The following EYA1 variants were observed in gnomAD, a reference collection of about 807,000 sequenced individuals.
EYA1 encodes protein phosphatase EYA1.
A neutral mutation model predicts 82.0 loss-of-function variants in EYA1; 16 were observed. The observed-to-expected ratio is 0.20, with a 90% confidence interval of 0.13 to 0.30. The LOEUF is 0.30. Among genes scored for constraint, EYA1 ranks in the 10% least tolerant of loss-of-function variants. EYA1 has a pLI of 1.00. For synonymous variants in EYA1, 261 were observed against 264.4 expected (o/e 0.99, Z 0.12); for missense variants, 633 against 730.7 (o/e 0.87, Z 1.54).
intron 2 of EYA1, chr8:71,403,580 G>T (rs1255062639): frequency 6.6e-6 from 1 of 152,026 alleles, no homozygotes; most frequent in Non-Finnish European, 1.5e-5. Context: ...GCACCATTTT[G>T]GTTACTGCAA....
chr8:71,502,742 C>T (rs921253056), intron 2 of EYA1, among the ~76,000 whole-genome samples: 3 of 152,310 alleles, frequency 2.0e-5, no homozygotes, highest in East Asian at 1.9e-4. Flanking sequence ...CTCAAACAGG[C>T]ACCCAGTAAC....
chr8:71,282,929 C>T (rs577691593), intron 9 of EYA1, among the ~76,000 whole-genome samples: 2 of 144,748 alleles, frequency 1.4e-5, no homozygotes, highest in African/African-American at 5.0e-5. Flanking sequence ...ATCTCTTCAA[C>T]ACCACCTTGT....
At chr8:71,474,555 G>T (rs1054383288) in intron 2 of EYA1, among the ~76,000 whole-genome samples, 4 of 152,038 alleles carry the variant, frequency 2.6e-5, no homozygotes, top group Admixed American at 2.0e-4. Flanking sequence ...CCTACAAATT[G>T]CTTTTAATTC....
At chr8:71,268,034 G>C (rs987050115) in intron 11 of EYA1, among the ~76,000 whole-genome samples, 1 of 152,180 alleles carries the variant, frequency 6.6e-6, no homozygotes, top group African/African-American at 2.4e-5. Flanking sequence ...TATGAAGCCA[G>C]GCATTTCTAG....
intron 9 of EYA1, among the ~76,000 whole-genome samples, chr8:71,287,423 G>A (rs1157698416): frequency 6.6e-6 from 1 of 152,160 alleles, no homozygotes; most frequent in Non-Finnish European, 1.5e-5. Context: ...ATTATTCCCT[G>A]TTCACGCAGG....
At chr8:71,369,931 G>A (rs1034430343) in intron 2 of EYA1, among the ~76,000 whole-genome samples, 1 of 151,610 alleles carries the variant, frequency 6.6e-6, no homozygotes, top group African/African-American at 2.4e-5. Flanking sequence ...TAATTTATGG[G>A]ACAAAATTGA....
chr8:71,365,046 A>G (rs1827675593), upstream of EYA1, among the ~76,000 whole-genome samples: 1 of 148,678 alleles, frequency 6.7e-6, no homozygotes, highest in African/African-American at 2.5e-5. Flanking sequence ...ACATATTACA[A>G]ATGTCATGTA....
chr8:71,395,620 C>T (rs1323541296), intron 2 of EYA1, among the ~76,000 whole-genome samples: 1 of 151,670 alleles, frequency 6.6e-6, no homozygotes, highest in African/African-American at 2.4e-5. Context: ...GTTGAATCAG[C>T]CTTGCATCCC....
intron 2 of EYA1, among the ~76,000 whole-genome samples, chr8:71,491,796 G>C (rs367813011): frequency 2.0e-5 from 3 of 152,134 alleles, no homozygotes; most frequent in African/African-American, 7.2e-5. Context: ...TCAGTTATGC[G>C]GTGGTTACTA....
chr8:71,356,342 A>C, intron 2 of EYA1, 120 bp downstream of exon 2: 2 of 821,586 alleles, frequency 2.4e-6, no homozygotes, highest in Non-Finnish European at 3.9e-6. Flanking sequence ...CAAACTGTTA[A>C]GTAATTTCCA....
At chr8:71,357,269 G>T (rs1259860387) in intron 1 of EYA1, among the ~76,000 whole-genome samples, 3 of 152,200 alleles carry the variant, frequency 2.0e-5, no homozygotes, top group Non-Finnish European at 4.4e-5. Context: ...GGAAGAAAAT[G>T]GAAAGTTTAA....
At chr8:71,542,460 C>A (rs1815214325) in intron 1 of EYA1, among the ~76,000 whole-genome samples, 1 of 152,182 alleles carries the variant, frequency 6.6e-6, no homozygotes, top group African/African-American at 2.4e-5. Flanking sequence ...ATCCAGTCTA[C>A]CACTGATGGG....
intron 2 of EYA1, among the ~76,000 whole-genome samples, chr8:71,416,896 G>C (rs1394979288): frequency 1.3e-5 from 2 of 152,194 alleles, no homozygotes; most frequent in Non-Finnish European, 2.9e-5. Flanking sequence ...GTTTCTGGGT[G>C]TGTCAGTGAG....
intron 2 of EYA1, among the ~76,000 whole-genome samples, chr8:71,478,473 C>T (rs1442153337): frequency 6.6e-6 from 1 of 152,126 alleles, no homozygotes; most frequent in African/African-American, 2.4e-5. Context: ...TTAACAGTCA[C>T]TTTAAGAAAT....
intron 9 of EYA1, among the ~76,000 whole-genome samples, chr8:71,281,377 A>G (rs1416712584): frequency 6.6e-6 from 1 of 152,208 alleles, no homozygotes; most frequent in African/African-American, 2.4e-5. Context: ...GATTTGTGGT[A>G]TCGTCATTTA....
intron 7 of EYA1, among the ~76,000 whole-genome samples, chr8:71,308,702 CTTTT>C (rs539041365): frequency 4.0e-5 from 5 of 124,346 alleles, no homozygotes; most frequent in Admixed American, 3.4e-4. Context: ...CTTCAAAAAG[CTTTT>C]TTTTTTTTTT....
chr8:71,296,625 GTAAAAGA>G (rs946180291), intron 9 of EYA1, among the ~76,000 whole-genome samples: 6 of 69,932 alleles, frequency 8.6e-5, no homozygotes, highest in Admixed American at 1.7e-4. Flanking sequence ...TAGACTAAAA[GTAAAAGA>G]AAAAAAAAAA....
intron 4 of EYA1, among the ~76,000 whole-genome samples, chr8:71,325,039 T>C (rs531589760): frequency 5.1e-4 from 78 of 152,340 alleles, no homozygotes; most frequent in Non-Finnish European, 1.0e-3. Flanking sequence ...ATCCATTCTC[T>C]AGCTCACAAT....
At chr8:71,437,314 A>G (rs1806087515) in intron 2 of EYA1, among the ~76,000 whole-genome samples, 1 of 151,830 alleles carries the variant, frequency 6.6e-6, no homozygotes, top group Non-Finnish European at 1.5e-5. Context: ...TATTTTCATT[A>G]TTTATCTTGT....
Sources: gnomAD v4.1 joint callset for allele counts (sites outside exome capture counted in the v4.1 genomes callset) on GRCh38, gnomAD v4.1.1 for gene constraint, MANE v1.5 for transcripts, NCBI Gene and HGNC (gene_info 2026-07-23, HGNC 2026-07-21) for gene names.